Variants in CSMD1 observed in about 807,000 individuals in gnomAD.
The protein encoded by CSMD1 is CUB and Sushi multiple domains 1, also known as CUB and sushi domain-containing protein 1.
In CSMD1, 213 loss-of-function variants were observed where a neutral mutation model predicts 417.5. The ratio of observed to expected loss-of-function variants is 0.51; its 90% confidence interval spans 0.46 to 0.57. The LOEUF is 0.57. Ranked by LOEUF, CSMD1 falls within the 20% of genes least tolerant of loss-of-function variation. The pLI is 0.00. For synonymous variants in CSMD1, 2,862 were observed against 1,736.8 expected, an observed-to-expected ratio of 1.65 and a Z score of -16.11; for missense variants, 6,923 against 4,529.7, an observed-to-expected ratio of 1.53 and a Z score of -15.17.
At chr8:3,128,769 G>T in intron 41 of CSMD1, 1 of 417,728 alleles carries the variant, frequency 2.4e-6, no homozygotes, top group Non-Finnish European at 4.7e-6. Flanking sequence ...GAAATTAATG[G>T]CGTACAATAA....
chr8:3,539,451 T>G (rs567813080), intron 10 of CSMD1, among the ~76,000 whole-genome samples: 3 of 152,320 alleles, frequency 2.0e-5, no homozygotes, highest in African/African-American at 7.2e-5. Flanking sequence ...CAGTTGGGTT[T>G]ATGTGTGTTC....
chr8:4,611,652 A>T (rs1200405867), intron 2 of CSMD1, among the ~76,000 whole-genome samples: 2 of 152,226 alleles, frequency 1.3e-5, no homozygotes, highest in Non-Finnish European at 2.9e-5. Context: ...TGTTAAGAGA[A>T]AAAGTGTGTC....
chr8:4,740,079 A>C (rs1810508270), intron 1 of CSMD1, among the ~76,000 whole-genome samples: 2 of 152,058 alleles, frequency 1.3e-5, no homozygotes, highest in African/African-American at 4.8e-5. Context: ...TCCAAGCAGA[A>C]TCTGATGGCT....
intron 6 of CSMD1, among the ~76,000 whole-genome samples, chr8:3,728,213 T>C (rs1219408562): frequency 1.3e-5 from 2 of 152,188 alleles, no homozygotes; most frequent in Non-Finnish European, 1.5e-5. Context: ...TCATGTGATC[T>C]GATGGTTTTA....
At chr8:3,675,641 G>A (rs1423813330) in intron 7 of CSMD1, among the ~76,000 whole-genome samples, 2 of 152,152 alleles carry the variant, frequency 1.3e-5, no homozygotes, top group African/African-American at 4.8e-5. Flanking sequence ...AAACCAGGGT[G>A]TTCTCTGCCA....
intron 1 of CSMD1, among the ~76,000 whole-genome samples, chr8:4,912,265 C>T (rs937329765): frequency 2.0e-5 from 3 of 151,938 alleles, no homozygotes; most frequent in South Asian, 2.1e-4. Flanking sequence ...CAAGAACATG[C>T]GAAGGCAGTA....
chr8:3,681,100 C>G (rs1377759213), intron 7 of CSMD1, among the ~76,000 whole-genome samples: 1 of 152,158 alleles, frequency 6.6e-6, no homozygotes, highest in Non-Finnish European at 1.5e-5. Flanking sequence ...TGGGCAAAAA[C>G]TGGAAGCATT....
intron 3 of CSMD1, among the ~76,000 whole-genome samples, chr8:4,035,399 A>G (rs1472439439): frequency 6.6e-6 from 1 of 152,206 alleles, no homozygotes; most frequent in African/African-American, 2.4e-5. Flanking sequence ...TACTAAAAAA[A>G]AATTACGATT....
At chr8:4,464,858 G>C (rs963900535) in intron 2 of CSMD1, among the ~76,000 whole-genome samples, 21 of 152,208 alleles carry the variant, frequency 1.4e-4, no homozygotes, top group East Asian at 5.8e-4. Flanking sequence ...TTACCCTGCT[G>C]TGTTAGTTTT....
At chr8:3,476,322 C>T (rs1016450021) in intron 11 of CSMD1, among the ~76,000 whole-genome samples, 2 of 152,164 alleles carry the variant, frequency 1.3e-5, no homozygotes, top group Non-Finnish European at 2.9e-5. Flanking sequence ...TTTTAGTTCT[C>T]TTATAAAAAT....
At chr8:4,002,534 C>A (rs990305285) in intron 4 of CSMD1, among the ~76,000 whole-genome samples, 4 of 152,078 alleles carry the variant, frequency 2.6e-5, no homozygotes, top group Non-Finnish European at 4.4e-5. Flanking sequence ...TTTTCAAAGC[C>A]CATTTCGACT....
chr8:4,893,359 A>G (rs539945442), intron 1 of CSMD1, among the ~76,000 whole-genome samples: 1 of 151,960 alleles, frequency 6.6e-6, no homozygotes, highest in South Asian at 2.1e-4. Flanking sequence ...TCACTTTTTT[A>G]ACTTTGTTTA....
At chr8:3,610,530 C>T (rs1801840623) in intron 8 of CSMD1, among the ~76,000 whole-genome samples, 2 of 151,714 alleles carry the variant, frequency 1.3e-5, no homozygotes, top group Admixed American at 1.3e-4. Flanking sequence ...ATAAATAGGT[C>T]ATATAAGTAT....
intron 2 of CSMD1, among the ~76,000 whole-genome samples, chr8:4,532,359 C>T (rs893687200): frequency 1.3e-5 from 2 of 151,342 alleles, no homozygotes; most frequent in Non-Finnish European, 2.9e-5. Flanking sequence ...AAATCCTGCA[C>T]CCGCATTCAG....
intron 5 of CSMD1, among the ~76,000 whole-genome samples, chr8:3,771,616 G>C (rs773575764): frequency 6.6e-6 from 1 of 152,102 alleles, no homozygotes; most frequent in African/African-American, 2.4e-5. Flanking sequence ...CATCAAGTTG[G>C]AGAAAGGTGA....
intron 25 of CSMD1, among the ~76,000 whole-genome samples, chr8:3,306,455 T>C (rs1410925754): frequency 6.6e-6 from 1 of 152,188 alleles, no homozygotes; most frequent in African/African-American, 2.4e-5. Context: ...CATGAGCCAC[T>C]GTGCCCAGCC....
At chr8:3,903,975 C>G (rs1807943060) in intron 5 of CSMD1, among the ~76,000 whole-genome samples, 1 of 152,020 alleles carries the variant, frequency 6.6e-6, no homozygotes, top group Admixed American at 6.6e-5. Flanking sequence ...ATACCTTGTT[C>G]TGTAGTTTCT....
chr8:3,134,091 G>C (rs1262873376), intron 41 of CSMD1, among the ~76,000 whole-genome samples: 2 of 152,034 alleles, frequency 1.3e-5, no homozygotes, highest in Non-Finnish European at 2.9e-5. Flanking sequence ...AGAATCACTT[G>C]AACCAGGGAG....
At chr8:4,467,367 T>C (rs1800245032) in intron 2 of CSMD1, among the ~76,000 whole-genome samples, 1 of 152,134 alleles carries the variant, frequency 6.6e-6, no homozygotes, top group Admixed American at 6.6e-5. Context: ...CCTGGATCAA[T>C]TCAAATGTCC....
Sources: gnomAD v4.1 joint callset for allele counts (sites outside exome capture counted in the v4.1 genomes callset) on GRCh38, gnomAD v4.1.1 for gene constraint, MANE v1.5 for transcripts, NCBI Gene and HGNC (gene_info 2026-07-23, HGNC 2026-07-21) for gene names.